The following ARHGEF10L variants were observed in gnomAD, a reference collection of about 807,000 sequenced individuals.
The protein encoded by ARHGEF10L is rho guanine nucleotide exchange factor 10-like protein.
ARHGEF10L carries 69 observed loss-of-function variants against 141.2 expected under a neutral mutation model. The observed-to-expected ratio is 0.49, with a 90% CI of 0.40 to 0.60. ARHGEF10L has a LOEUF of 0.60. Among genes scored for constraint, ARHGEF10L ranks in the 20% least tolerant of loss-of-function variants. The probability of loss-of-function intolerance (pLI) is 0.00; values close to 1 mark genes in which losing one functional copy is unlikely to be tolerated. For missense variants in ARHGEF10L, 1,482 were observed against 1,734.3 expected (o/e 0.85, Z 2.58); for synonymous variants, 711 against 718.5 (o/e 0.99, Z 0.17).
intron 2 of ARHGEF10L, among the ~76,000 whole-genome samples, chr1:17,586,375 G>A (rs1267760144): frequency 4.6e-5 from 7 of 152,190 alleles, no homozygotes; most frequent in Admixed American, 1.3e-4. Context: ...ATGTGCCCAC[G>A]AGAGGGCTGC....
chr1:17,610,487 C>T (rs1280928335), intron 7 of ARHGEF10L, among the ~76,000 whole-genome samples: 1 of 152,210 alleles, frequency 6.6e-6, no homozygotes, highest in Non-Finnish European at 1.5e-5. Context: ...CCCACCTGCT[C>T]GCTGATCAGC....
chr1:17,565,774 A>G (rs958180808), intron 1 of ARHGEF10L, among the ~76,000 whole-genome samples: 6 of 152,182 alleles, frequency 3.9e-5, no homozygotes, highest in Non-Finnish European at 8.8e-5. Flanking sequence ...CTCGGGTACC[A>G]GGACCGTGGC....
intron 9 of ARHGEF10L, chr1:17,618,552 C>T (rs562915581): frequency 1.3e-5 from 18 of 1,338,588 alleles, no homozygotes; most frequent in Middle Eastern, 2.2e-4. Context: ...TCTCTACCCC[C>T]TCCCACCCTT....
the ARHGEF10L span, among the ~76,000 whole-genome samples, chr1:17,528,475 T>C: frequency 6.6e-6 from 1 of 152,112 alleles, no homozygotes; most frequent in African/African-American, 2.4e-5. Context: ...CCTCGACCTC[T>C]TAAAGTGTTA....
chr1:17,591,498 G>T (rs1433093872), intron 4 of ARHGEF10L, among the ~76,000 whole-genome samples: 1 of 148,832 alleles, frequency 6.7e-6, no homozygotes, highest in African/African-American at 2.5e-5. Context: ...TGCAACCTTT[G>T]CCTCCTGGGT....
Position 17,623,558 on chromosome 1 carries a change from A to G in ARHGEF10L, c.1200+383A>G, listed in dbSNP as rs2060220806. Among the ~76,000 whole-genome samples, 1 of 152,162 alleles carries G rather than the reference A, an allele frequency of 6.6e-6. No individual in the cohort carries two copies. The highest frequency in any genetic ancestry group is 2.4e-5 in the African/African-American group (1 of 41,454). Reference sequence around the variant, plus strand: ...GAAAGACCACAACTTTGGCCCGGAGAGGATGTGCCGCAGTGCTGGGGAAAG... The same window carrying G: ...GAAAGACCACAACTTTGGCCCGGAGGGGATGTGCCGCAGTGCTGGGGAAAG... On this transcript the variant is annotated intron_variant, in intron 12 of 28. Coordinates refer to ENST00000361221, the MANE Select transcript of ARHGEF10L (RefSeq NM_018125.4). This position sits in a 1 kb window ranked among gnomAD's most constrained non-coding sequence, Gnocchi z 4.7.
chr1:17,577,943 G>C (rs894365940), intron 1 of ARHGEF10L, among the ~76,000 whole-genome samples: 1 of 152,184 alleles, frequency 6.6e-6, no homozygotes, highest in African/African-American at 2.4e-5. Flanking sequence ...GGGCTTTGGA[G>C]GGGAGGGCAG....
At chr1:17,536,484 G>T (rs545784843), upstream of ARHGEF10L, among the ~76,000 whole-genome samples, 2 of 152,184 alleles carry the variant, frequency 1.3e-5, no homozygotes, top group South Asian at 4.2e-4. Context: ...CACCAAAAAA[G>T]AAAAACAAGA....
intron 4 of ARHGEF10L, 98 bp from the exon 5 acceptor site, chr1:17,602,029 A>AGG: frequency 8.8e-7 from 1 of 1,142,512 alleles, no homozygotes; most frequent in Non-Finnish European, 1.2e-6. Context: ...CCCTCAGCCC[A>AGG]CTTTTGCCCA....
chr1:17,663,781 C>A (rs2062792380), intron 25 of ARHGEF10L, among the ~76,000 whole-genome samples: 1 of 152,152 alleles, frequency 6.6e-6, no homozygotes, highest in South Asian at 2.1e-4. Flanking sequence ...AAACTGAGGC[C>A]TCGTGAAGGG....
chr1:17,560,627 G>A (rs1252331034), intron 1 of ARHGEF10L, among the ~76,000 whole-genome samples: 2 of 152,178 alleles, frequency 1.3e-5, no homozygotes, highest in East Asian at 1.9e-4. Flanking sequence ...GTACAATGGC[G>A]CAATCTCGGC....
At chr1:17,593,330 C>T (rs1426951907) in intron 4 of ARHGEF10L, among the ~76,000 whole-genome samples, 7 of 152,176 alleles carry the variant, frequency 4.6e-5, no homozygotes, top group Non-Finnish European at 8.8e-5. Flanking sequence ...CATGGCCCTT[C>T]CACCCCTTGG....
chr1:17,646,035 T>A (rs911638933), intron 21 of ARHGEF10L, among the ~76,000 whole-genome samples: 3 of 152,104 alleles, frequency 2.0e-5, no homozygotes, highest in African/African-American at 7.2e-5. Flanking sequence ...CCCAGCAGGG[T>A]AGAGGACCAG....
the ARHGEF10L span, among the ~76,000 whole-genome samples, chr1:17,529,004 T>A: frequency 6.6e-6 from 1 of 152,128 alleles, no homozygotes; most frequent in Admixed American, 6.5e-5. Context: ...AAGATCATTT[T>A]GTTTTGTTTT....
chr1:17,626,111 C>G, intron 14 of ARHGEF10L, 63 bp downstream of exon 14: 1 of 1,488,258 alleles, frequency 6.7e-7, no homozygotes, highest in East Asian at 2.3e-5. Context: ...GGAGGTGCCT[C>G]CTGGGGTAGG....
At position 17,654,125 on chromosome 1, in the gene ARHGEF10L, C is replaced by A. The variant is rs1464157216; in HGVS notation, c.2395-511C>A. 6.6e-6 allele frequency among the ~76,000 whole-genome samples: 1 copy of A among 152,224 alleles called. No homozygotes were observed. Among genetic ancestry groups the A allele is most frequent in the African/African-American group, 2.4e-5 (1 of 41,446 alleles). ...GACCAGGTCTAGCTCAGGAGACAGG[C>A]CTCAGAGAGAGGCCACCCAACATGG... is the stretch of plus-strand genomic sequence containing the variant. On this transcript the variant is annotated intron_variant, in intron 22 of 28. Coordinates refer to ENST00000361221, the MANE Select transcript of ARHGEF10L (RefSeq NM_018125.4). The surrounding 1 kb of genome is among the most constrained non-coding windows in gnomAD (Gnocchi z 4.3).
rs942601045 is a variant in ARHGEF10L, at chr1:17,664,707, G to T, written c.3009+112G>T. ...AGCTCCCAGTGGCATTCCAAGGATC[G>T]ATTGGGCAGAGTTTGTCCGGAAGCA... On this transcript the variant is annotated intron_variant, in intron 26 of 28. Transcript: ENST00000361221. The T allele has an allele frequency of 3.0e-6, 4 of 1,324,258 alleles. No homozygotes were observed. In the Admixed American group the frequency reaches 9.4e-5, roughly 31 times the overall value. The allele number at this position is 1,324,258 out of a possible 1,614,324, so 82.0% of individuals were successfully genotyped here.
In ARHGEF10L at chr1:17,607,212, C is replaced by T. The variant is rs991319686; in HGVS notation, c.434-590C>T. 6.6e-5 allele frequency among the ~76,000 whole-genome samples: 10 copies of T among 152,176 alleles called. No homozygotes were observed. Among genetic ancestry groups the T allele is most frequent in the South Asian group, 2.1e-4 (1 of 4,830 alleles). On this transcript the variant is annotated intron_variant, in intron 6 of 28. Transcript: ENST00000361221. This position sits in a 1 kb window ranked among gnomAD's most constrained non-coding sequence, Gnocchi z 4.5. Reference sequence around the variant, plus strand: ...TGGCTCGGCTGGGTGTGGTGGCTCACGCCTGTAACCCTGGCACTTTGGGAG... The same window carrying T: ...TGGCTCGGCTGGGTGTGGTGGCTCATGCCTGTAACCCTGGCACTTTGGGAG...
intron 21 of ARHGEF10L, among the ~76,000 whole-genome samples, chr1:17,646,544 G>C (rs916206396): frequency 2.0e-5 from 3 of 152,166 alleles, no homozygotes; most frequent in Non-Finnish European, 2.9e-5. Flanking sequence ...GGCATGGTGG[G>C]GGAGCGCCTA....
Sources: gnomAD v4.1 joint callset for allele counts (sites outside exome capture counted in the v4.1 genomes callset) on GRCh38, gnomAD v4.1.1 for gene constraint, Gnocchi (gnomAD v3.1) non-coding constraint, MANE v1.5 for transcripts, NCBI Gene and HGNC (gene_info 2026-07-23, HGNC 2026-07-21) for gene names.